ETF1: variants seen among roughly 807,000 people sequenced by gnomAD.
The protein encoded by ETF1 is eukaryotic translation termination factor 1.
In ETF1, 4 loss-of-function variants were observed where a neutral mutation model predicts 55.1. That is an observed-to-expected ratio of 0.07 (90% CI 0.04 to 0.17). The LOEUF (loss-of-function observed/expected upper bound fraction) is 0.17. Among genes scored for constraint, ETF1 ranks in the 10% least tolerant of loss-of-function variants. The pLI, the probability that ETF1 is intolerant of heterozygous loss-of-function variation, is 1.00. For synonymous variants in ETF1, 157 were observed against 182.3 expected (o/e 0.86, Z 1.12); for missense variants, 142 against 523.6 (o/e 0.27, Z 7.11).
At chr5:138,531,240 T>G (rs974027950) in intron 2 of ETF1, among the ~76,000 whole-genome samples, 1 of 152,098 alleles carries the variant, frequency 6.6e-6, no homozygotes, top group African/African-American at 2.4e-5. Context: ...AATAAGGTGC[T>G]TATAAGTAGT....
At chr5:138,536,175 A>G (rs546266202) in intron 2 of ETF1, among the ~76,000 whole-genome samples, 17 of 152,328 alleles carry the variant, frequency 1.1e-4, no homozygotes, top group African/African-American at 4.1e-4. Flanking sequence ...AATCTAGTTT[A>G]TAAGGTCACA....
At chr5:138,510,001 A>C (rs148714781) in intron 9 of ETF1, among the ~76,000 whole-genome samples, 414 of 150,060 alleles carry the variant, frequency 2.8e-3, no homozygotes, top group African/African-American at 9.8e-3. Context: ...TCGAGGTTAT[A>C]GTGAGCTATG....
At chr5:138,536,502 G>C (rs970870603) in intron 2 of ETF1, among the ~76,000 whole-genome samples, 1 of 152,110 alleles carries the variant, frequency 6.6e-6, no homozygotes, top group Non-Finnish European at 1.5e-5. Context: ...TTTCTAACCT[G>C]CCGGGGAAAA....
At chr5:138,536,520 G>A (rs1433816091) in intron 2 of ETF1, among the ~76,000 whole-genome samples, 1 of 152,140 alleles carries the variant, frequency 6.6e-6, no homozygotes, top group African/African-American at 2.4e-5. Context: ...AAAAAAGCCT[G>A]AACCTTCCTA....
intron 2 of ETF1, 91 bp downstream of exon 2, chr5:138,542,742 T>C: frequency 6.4e-7 from 1 of 1,557,714 alleles, no homozygotes; most frequent in Admixed American, 1.9e-5. Context: ...TAGTGCCTGG[T>C]TCTCCTCATC....
intron 2 of ETF1, among the ~76,000 whole-genome samples, chr5:138,531,339 C>A (rs1465107852): frequency 1.3e-5 from 2 of 152,116 alleles, no homozygotes; most frequent in African/African-American, 4.8e-5. Context: ...ATCTTAAAAG[C>A]AGAGAGCAGG....
intron 2 of ETF1, chr5:138,529,700 A>G: frequency 1.0e-6 from 1 of 984,922 alleles, no homozygotes; most frequent in South Asian, 4.7e-5. Context: ...AACAGGTGAA[A>G]AAAAGGAATT....
chr5:138,542,509 G>C, intron 2 of ETF1: 1 of 698,330 alleles, frequency 1.4e-6, no homozygotes, highest in Non-Finnish European at 2.1e-6. Context: ...CCCGAGTCGG[G>C]TGGCAGCACC....
chr5:138,513,502 C>T (rs1362492078), intron 5 of ETF1, 66 bp downstream of exon 5: 12 of 1,374,240 alleles, frequency 8.7e-6, no homozygotes, highest in African/African-American at 1.4e-5. Context: ...CCGCACCCGG[C>T]CCACCATACT....
chr5:138,543,029 A>T (rs1481544996), intron 1 of ETF1, 68 bp downstream of exon 1: 18 of 1,157,750 alleles, frequency 1.6e-5, no homozygotes, highest in Non-Finnish European at 2.1e-5. Flanking sequence ...CATCCCCCAG[A>T]GGCCCTCTCC....
intron 2 of ETF1, among the ~76,000 whole-genome samples, chr5:138,532,057 A>AT (rs1765724485): frequency 8.5e-5 from 2 of 23,634 alleles, no homozygotes; most frequent in Non-Finnish European, 1.2e-4. Context: ...AAAAAATAAA[A>AT]TAAAATAAAT....
intron 2 of ETF1, chr5:138,519,116 AGATACT>A: frequency 1.0e-6 from 1 of 984,570 alleles, no homozygotes; most frequent in South Asian, 4.7e-5. Context: ...ACACTTGGAG[AGATACT>A]TGAGAAACAC....
chr5:138,527,961 G>A (rs1003022657), intron 2 of ETF1, among the ~76,000 whole-genome samples: 4 of 151,924 alleles, frequency 2.6e-5, no homozygotes, highest in East Asian at 3.9e-4. Flanking sequence ...TAGTAGAGAC[G>A]GGGTTTCTCT....
rs537454219 is a variant in ETF1, at chr5:138,517,161, G to C, written c.402+400C>G. Among the ~76,000 whole-genome samples the C allele has an allele frequency of 2.0e-5, 3 of 152,176 alleles. No homozygotes were observed. In the East Asian group the frequency reaches 5.8e-4, roughly 29 times the overall value. On this transcript the variant is annotated intron_variant, in intron 4 of 10. Coordinates refer to ENST00000360541, the MANE Select transcript of ETF1 (RefSeq NM_004730.4). ...TAAGGTGGGTGGATCACGAGGTCAG[G>C]AGTCTGAGACCAGCCTGACCAATGT...
At chr5:138,522,113 G>GTT (rs200628148) in intron 2 of ETF1, among the ~76,000 whole-genome samples, 45 of 117,648 alleles carry the variant, frequency 3.8e-4, no homozygotes, top group African/African-American at 1.2e-3. Flanking sequence ...TTGTTTTTTT[G>GTT]GTTTTTTTTA....
At chr5:138,513,491 A>G (rs1764897488) in intron 5 of ETF1, 77 bp downstream of exon 5, 12 of 1,289,042 alleles carry the variant, frequency 9.3e-6, no homozygotes, top group Non-Finnish European at 1.2e-5. Flanking sequence ...GGCGTGAGCC[A>G]CCGCACCCGG....
chr5:138,520,769 AT>A (rs1765201172), intron 2 of ETF1, among the ~76,000 whole-genome samples: 1 of 152,150 alleles, frequency 6.6e-6, no homozygotes, highest in African/African-American at 2.4e-5. Flanking sequence ...GCAGTGAGCT[AT>A]GATTTGCCAC....
At chr5:138,543,021 T>A in intron 1 of ETF1, 76 bp downstream of exon 1, 1 of 1,239,596 alleles carries the variant, frequency 8.1e-7, no homozygotes, top group Non-Finnish European at 1.1e-6. Context: ...TTCCTCGCCA[T>A]CCCCCAGAGG....
chr5:138,510,653 GT>G (rs756675629), intron 8 of ETF1, 24 bp from the exon 9 acceptor site: 7 of 1,612,610 alleles, frequency 4.3e-6, no homozygotes, highest in Non-Finnish European at 1.7e-6. Flanking sequence ...AGGAAAAAAT[GT>G]GTTAACCTGG....
Sources: allele counts gnomAD v4.1 joint callset (sites outside exome capture counted in the v4.1 genomes callset), GRCh38; gene constraint gnomAD v4.1.1; transcripts MANE v1.5; gene names NCBI Gene and HGNC (gene_info 2026-07-23, HGNC 2026-07-21).